The following MED13L variants were observed in gnomAD, a reference collection of about 807,000 sequenced individuals.
MED13L encodes mediator of RNA polymerase II transcription subunit 13-like.
Under a neutral mutation model 220.9 loss-of-function variants are expected in MED13L, and 7 were observed. The observed-to-expected ratio is 0.03, with a 90% CI of 0.02 to 0.06. The LOEUF (loss-of-function observed/expected upper bound fraction) is 0.06, where lower values mean the gene tolerates loss of function less well. MED13L is among the 10% of genes least tolerant of loss of function. The probability of loss-of-function intolerance (pLI) is 1.00; values close to 1 mark genes in which losing one functional copy is unlikely to be tolerated. For synonymous variants in MED13L, 1,011 were observed against 1,015.2 expected (o/e 1.00, Z 0.08); for missense variants, 1,965 against 2,760.5 (o/e 0.71, Z 6.46).
chr12:115,970,045 T>C (rs1009877846), intron 27 of MED13L, among the ~76,000 whole-genome samples: 5 of 152,224 alleles, frequency 3.3e-5, no homozygotes, highest in Non-Finnish European at 7.3e-5. Flanking sequence ...CCATTTACCA[T>C]AAATAAACAC....
At chr12:116,125,356 T>C (rs1169685565) in intron 2 of MED13L, among the ~76,000 whole-genome samples, 1 of 152,178 alleles carries the variant, frequency 6.6e-6, no homozygotes, top group African/African-American at 2.4e-5. Flanking sequence ...AAACAAATTT[T>C]TGTAAAACAG....
rs200267878 is a variant in MED13L, at chr12:115,982,889, TAGTA to T, written c.4955+224_4955+227del. Among the ~76,000 whole-genome samples the T allele has an allele frequency of 2.6e-3, 402 of 152,328 alleles. 2 individuals carry two copies. The highest frequency in any genetic ancestry group is 0.017 in the East Asian group (87 of 5,178). ...ACAAAGTTGTTACTAATTAAGTTGA[TAGTA>T]AGTAAGTTTAATAATAAAGTTTATA... On this transcript the variant is annotated intron_variant, in intron 21 of 30. Transcript: ENST00000281928.
In MED13L at chr12:116,064,713, C is replaced by T. The variant is rs532744689; in HGVS notation, c.479+31956G>A. On this transcript the variant is annotated intron_variant, in intron 4 of 30. Transcript: ENST00000281928. ...CACAACAAAGCAACTAAACCTTCTACGGTACTATACTGCCAAAAGGGCAGC... is the reference window on the plus strand; with the variant it reads ...CACAACAAAGCAACTAAACCTTCTATGGTACTATACTGCCAAAAGGGCAGC... Among the ~76,000 whole-genome samples, 9 of 152,296 alleles carry T rather than the reference C, an allele frequency of 5.9e-5. No individual in the cohort carries two copies. In the South Asian group the frequency reaches 1.2e-3, roughly 21 times the overall value.
intron 2 of MED13L, among the ~76,000 whole-genome samples, chr12:116,232,362 T>C (rs1265895408): frequency 6.6e-6 from 1 of 152,212 alleles, no homozygotes. Flanking sequence ...TTTAAAATTG[T>C]AGACAGTGCA....
intron 2 of MED13L, among the ~76,000 whole-genome samples, chr12:116,173,574 C>T (rs1879836697): frequency 6.6e-6 from 1 of 152,102 alleles, no homozygotes; most frequent in Admixed American, 6.5e-5. Flanking sequence ...TTCTATTAAA[C>T]TTGTCTCCTT....
chr12:116,106,187 C>A (rs1873558305), intron 3 of MED13L, among the ~76,000 whole-genome samples: 1 of 152,186 alleles, frequency 6.6e-6, no homozygotes, highest in African/African-American at 2.4e-5. Context: ...CCTAACCTGA[C>A]TGAATACTTC....
rs1167687397 is a variant in MED13L at position 116,218,651 on chromosome 12, T to A, written c.310+18817A>T. On this transcript the variant is annotated intron_variant, in intron 2 of 30. Transcript: ENST00000281928. ...TCCATTTTCAAATTTCTTCTCCAAA[T>A]AACCCAACACAAAATCTGTAATTTA... is the stretch of plus-strand genomic sequence containing the variant. 2.0e-5 allele frequency among the ~76,000 whole-genome samples: 3 copies of A among 151,972 alleles called. No homozygotes were observed. In the East Asian group the frequency reaches 5.8e-4, roughly 29 times the overall value.
At chr12:116,062,637 G>A (rs1489098557) in intron 4 of MED13L, among the ~76,000 whole-genome samples, 3 of 151,782 alleles carry the variant, frequency 2.0e-5, no homozygotes, top group South Asian at 2.1e-4. Context: ...ATAGGCATGC[G>A]CCACCACACC....
At chr12:116,016,051 C>T (rs1457361219) in intron 7 of MED13L, among the ~76,000 whole-genome samples, 1 of 151,952 alleles carries the variant, frequency 6.6e-6, no homozygotes. Flanking sequence ...GAGTATTTTA[C>T]TACTTCTATC....
intron 2 of MED13L, among the ~76,000 whole-genome samples, chr12:116,229,157 G>T (rs1869299448): frequency 6.6e-6 from 1 of 152,112 alleles, no homozygotes; most frequent in South Asian, 2.1e-4. Flanking sequence ...GGTGAGGGGG[G>T]CATCAAACAT....
chr12:115,974,356 G>GA (rs1347414278), intron 25 of MED13L, among the ~76,000 whole-genome samples: 2 of 152,158 alleles, frequency 1.3e-5, no homozygotes, highest in Admixed American at 1.3e-4. Context: ...AGATCTTAGG[G>GA]AAAAAACTTC....
At chr12:116,096,916 G>A (rs1872680845) in intron 3 of MED13L, among the ~76,000 whole-genome samples, 164 bp from the exon 4 acceptor site, 1 of 152,072 alleles carries the variant, frequency 6.6e-6, no homozygotes, top group Non-Finnish European at 1.5e-5. Flanking sequence ...CTTTCCGAAA[G>A]AACTCTGGGA....
At chr12:116,196,857 A>G (rs1881659723) in intron 2 of MED13L, among the ~76,000 whole-genome samples, 1 of 152,236 alleles carries the variant, frequency 6.6e-6, no homozygotes, top group Admixed American at 6.5e-5. Context: ...CTATCAGATT[A>G]ATAAAAGTGC....
chr12:116,135,025 C>T (rs1431475545), intron 2 of MED13L, among the ~76,000 whole-genome samples: 8 of 151,990 alleles, frequency 5.3e-5, no homozygotes, highest in Non-Finnish European at 8.8e-5. Flanking sequence ...AAAAATTATC[C>T]GGGTGTGGTG....
intron 1 of MED13L, among the ~76,000 whole-genome samples, chr12:116,247,385 G>A (rs1871189672): frequency 6.6e-6 from 1 of 152,180 alleles, no homozygotes; most frequent in Non-Finnish European, 1.5e-5. Context: ...AAATTGTGCT[G>A]CAAAAGCCAA....
chr12:116,160,681 T>G (rs570776130), intron 2 of MED13L, among the ~76,000 whole-genome samples: 1 of 152,068 alleles, frequency 6.6e-6, no homozygotes, highest in East Asian at 1.9e-4. Flanking sequence ...GCAGCCATTC[T>G]CCTACCTCAG....
chr12:116,013,580 C>T (rs1332229633), intron 8 of MED13L, among the ~76,000 whole-genome samples: 4 of 152,154 alleles, frequency 2.6e-5, no homozygotes, highest in South Asian at 2.1e-4. Context: ...CACTTCCGGT[C>T]CCACGAACTT....
In MED13L at chr12:115,996,574, T is replaced by C. The variant is rs1453190738; in HGVS notation, c.2898A>G (p.Ile966Met). ...LPSHCLLPLKIPDACLFRPSW... is the reference protein window; with the variant it reads ...LPSHCLLPLKMPDACLFRPSW... Reference sequence around the variant, plus strand: ...AAGGCCGAAACAGACAGGCATCAGGTATCTTCAGAGGTAGCAAACAATGGC... The same window carrying C: ...AAGGCCGAAACAGACAGGCATCAGGCATCTTCAGAGGTAGCAAACAATGGC... The change falls in exon 16 of 31, where the codon ATA (isoleucine) becomes ATG (methionine). Residue 966 changes from isoleucine to methionine, a missense_variant. Coordinates refer to ENST00000281928, the MANE Select transcript of MED13L (RefSeq NM_015335.5). 1.2e-6 allele frequency: 2 copies of C among 1,614,096 alleles called. No homozygotes were observed. Among genetic ancestry groups the C allele is most frequent in the African/African-American group, 1.3e-5 (1 of 75,030 alleles).
chr12:116,147,457 T>G (rs1401815342), intron 2 of MED13L, among the ~76,000 whole-genome samples: 1 of 152,158 alleles, frequency 6.6e-6, no homozygotes, highest in Non-Finnish European at 1.5e-5. Context: ...CAACAAAAAG[T>G]AAAACAAAAC....
Sources: allele counts gnomAD v4.1 joint callset (sites outside exome capture counted in the v4.1 genomes callset), GRCh38; gene constraint gnomAD v4.1.1; transcripts MANE v1.5; gene names NCBI Gene and HGNC (gene_info 2026-07-23, HGNC 2026-07-21).